Variants in RBFOX1 observed in about 807,000 individuals in gnomAD.
RBFOX1 encodes the protein RNA binding protein fox-1 homolog 1.
Under a neutral mutation model 57.7 loss-of-function variants are expected in RBFOX1, and 8 were observed. That is an observed-to-expected ratio of 0.14 (90% CI 0.08 to 0.25). RBFOX1 has a LOEUF of 0.25. Ranked by LOEUF, RBFOX1 falls within the 10% of genes least tolerant of loss-of-function variation. The pLI is 1.00. For synonymous variants in RBFOX1, 326 were observed against 222.4 expected (o/e 1.47, Z -4.15); for missense variants, 611 against 548.5 (o/e 1.11, Z -1.14).
intron 4 of RBFOX1, among the ~76,000 whole-genome samples, chr16:5,892,413 G>T (rs916485885): frequency 1.3e-5 from 2 of 152,094 alleles, no homozygotes; most frequent in Non-Finnish European, 2.9e-5. Flanking sequence ...CTCTTTATAT[G>T]CCTCAGTCTC....
At chr16:7,155,732 T>TAC (rs1261795700) in intron 4 of RBFOX1, among the ~76,000 whole-genome samples, 28 of 89,430 alleles carry the variant, frequency 3.1e-4, no homozygotes, top group African/African-American at 1.6e-3. Context: ...TATATATATA[T>TAC]ATATATACAC....
chr16:6,687,616 A>G (rs1163121173), intron 3 of RBFOX1, among the ~76,000 whole-genome samples: 1 of 152,182 alleles, frequency 6.6e-6, no homozygotes, highest in African/African-American at 2.4e-5. Flanking sequence ...TAGTTCTATA[A>G]GAAGGTTCTC....
At chr16:6,205,863 C>CTTTTT (rs34261182) in intron 1 of RBFOX1, among the ~76,000 whole-genome samples, 6 of 97,926 alleles carry the variant, frequency 6.1e-5, no homozygotes, top group South Asian at 3.5e-4. Context: ...CGAGATCATA[C>CTTTTT]TTTTTTTTTT....
At chr16:6,018,924 GTC>G (rs2095018780), upstream of RBFOX1, among the ~76,000 whole-genome samples, 1 of 151,866 alleles carries the variant, frequency 6.6e-6, no homozygotes, top group African/African-American at 2.4e-5. Flanking sequence ...CGGGTCGCGT[GTC>G]CGCCGCCGCC....
chr16:5,420,924 CTCCT>C lies in RBFOX1; in HGVS notation c.220-46291_220-46288del, dbSNP rs1258099698. 4.5e-3 allele frequency among the ~76,000 whole-genome samples: 595 copies of C among 132,638 alleles called. 8 individuals carry two copies. Among genetic ancestry groups the C allele is most frequent in the African/African-American group, 0.016 (567 of 35,336 alleles). The allele number at this position is 132,638 out of a possible 152,430, so 87.0% of individuals were successfully genotyped here. A position where few individuals can be genotyped will look rare whatever the true frequency, so the allele number is the denominator to read the frequency against. ...CCTCCTCTGCCTCCCTCCACCCCTC[CTCCT>C]CCCCCTCCCCTTCCTCCTGCTTTTC... On this transcript the variant is annotated intron_variant, in intron 1 of 2. Transcript: ENST00000585867.
At chr16:5,625,591 T>C (rs888836353) in intron 3 of RBFOX1, among the ~76,000 whole-genome samples, 1 of 150,536 alleles carries the variant, frequency 6.6e-6, no homozygotes, top group Non-Finnish European at 1.5e-5. Context: ...GGAGTTTTGC[T>C]CTGTCACCCC....
At chr16:5,513,385 G>C (rs115281145) in intron 2 of RBFOX1, among the ~76,000 whole-genome samples, 319 of 152,284 alleles carry the variant, frequency 2.1e-3, no homozygotes, top group African/African-American at 7.1e-3. Flanking sequence ...GTCATATCGA[G>C]GGTGCCAACT....
chr16:6,761,703 C>G (rs1398527026), intron 3 of RBFOX1, among the ~76,000 whole-genome samples: 1 of 151,602 alleles, frequency 6.6e-6, no homozygotes, highest in Non-Finnish European at 1.5e-5. Flanking sequence ...GACGAGGTTT[C>G]ACGAACTTGG....
intron 1 of RBFOX1, among the ~76,000 whole-genome samples, chr16:5,341,112 G>T (rs562659214): frequency 6.6e-6 from 1 of 152,276 alleles, no homozygotes; most frequent in African/African-American, 2.4e-5. Flanking sequence ...TGAATTTGCA[G>T]GAGACCAAGG....
rs143973113 is a variant in RBFOX1, at chr16:5,820,703, C to T, written c.319-46600C>T. Among the ~76,000 whole-genome samples, 240 of 152,260 alleles carry T rather than the reference C, an allele frequency of 1.6e-3. 7 individuals carry two copies. In the East Asian group the frequency reaches 0.031, roughly 20 times the overall value. ...ACAGCGTTACCCTGAATTGTTGGGA[C>T]GCGACTCCAGCAGCGTCCTGAGTGA... On this transcript the variant is annotated intron_variant, in intron 3 of 19. Transcript: ENST00000641259.
chr16:6,706,556 T>C (rs1411479937), intron 3 of RBFOX1, among the ~76,000 whole-genome samples: 1 of 152,140 alleles, frequency 6.6e-6, no homozygotes, highest in Non-Finnish European at 1.5e-5. Flanking sequence ...ACAAAACAGA[T>C]TTACCTGTTT....
intron 4 of RBFOX1, among the ~76,000 whole-genome samples, chr16:7,110,641 A>G (rs1184319954): frequency 6.6e-6 from 1 of 152,212 alleles, no homozygotes; most frequent in Admixed American, 6.5e-5. Flanking sequence ...AACATGAGAC[A>G]TGAAGAAACC....
chr16:5,811,826 A>C (rs1305161548), intron 3 of RBFOX1, among the ~76,000 whole-genome samples: 1 of 152,200 alleles, frequency 6.6e-6, no homozygotes, highest in Non-Finnish European at 1.5e-5. Flanking sequence ...TATGAAATAC[A>C]ATATAGATCT....
intron 3 of RBFOX1, among the ~76,000 whole-genome samples, chr16:6,878,800 T>C (rs952615191): frequency 6.6e-6 from 1 of 152,222 alleles, no homozygotes; most frequent in Admixed American, 6.5e-5. Flanking sequence ...CTTTGGGCTT[T>C]TCACAAAGTA....
chr16:6,511,783 A>G (rs1254077299), intron 2 of RBFOX1, among the ~76,000 whole-genome samples: 1 of 152,234 alleles, frequency 6.6e-6, no homozygotes, highest in Non-Finnish European at 1.5e-5. Flanking sequence ...AGATTATTCA[A>G]ATTCTACTAG....
At chr16:6,143,507 C>T (rs569342297) in intron 1 of RBFOX1, among the ~76,000 whole-genome samples, 95 of 152,260 alleles carry the variant, frequency 6.2e-4, no homozygotes, top group Admixed American at 2.8e-3. Flanking sequence ...TTTCTATAGA[C>T]TTGCTGTTCT....
chr16:6,538,767 T>C (rs909716217), intron 2 of RBFOX1, among the ~76,000 whole-genome samples: 5 of 152,232 alleles, frequency 3.3e-5, no homozygotes, highest in African/African-American at 1.2e-4. Flanking sequence ...GTTGTTTTTT[T>C]TCATGGCTTC....
At chr16:7,096,591 T>C (rs1261367625) in intron 4 of RBFOX1, among the ~76,000 whole-genome samples, 1 of 152,048 alleles carries the variant, frequency 6.6e-6, no homozygotes, top group Non-Finnish European at 1.5e-5. Flanking sequence ...TCCAACCCTG[T>C]GTAAAATATT....
intron 3 of RBFOX1, among the ~76,000 whole-genome samples, chr16:7,014,250 G>A (rs530980498): frequency 2.1e-4 from 32 of 151,170 alleles, no homozygotes; most frequent in South Asian, 6.3e-4. Context: ...TCGCTCTGTC[G>A]CCCAGGCTGG....
Sources: allele counts gnomAD v4.1 joint callset (sites outside exome capture counted in the v4.1 genomes callset), GRCh38; gene constraint gnomAD v4.1.1; transcripts MANE v1.5; gene names NCBI Gene and HGNC (gene_info 2026-07-23, HGNC 2026-07-21).